The following TMEM130 variants were observed in gnomAD, a reference collection of about 807,000 sequenced individuals.
TMEM130 encodes transmembrane protein 130.
A neutral mutation model predicts 42.9 loss-of-function variants in TMEM130; 37 were observed. The observed-to-expected ratio is 0.86, with a 90% CI of 0.66 to 1.13. The LOEUF (loss-of-function observed/expected upper bound fraction) is 1.13, where lower values mean the gene tolerates loss of function less well. Among genes scored for constraint, TMEM130 ranks in the 50% most tolerant of loss-of-function variants. The pLI is 0.00. For synonymous variants in TMEM130, 259 were observed against 237.7 expected (o/e 1.09, Z -0.82); for missense variants, 545 against 562.6 (o/e 0.97, Z 0.32).
intron 1 of TMEM130, among the ~76,000 whole-genome samples, chr7:98,867,418 G>A (rs980632840): frequency 6.6e-6 from 1 of 152,076 alleles, no homozygotes; most frequent in Non-Finnish European, 1.5e-5. Context: ...GCATGGATGA[G>A]AGACCACCTC....
At position 98,851,414 on chromosome 7, in the gene TMEM130, C is replaced by T; in HGVS notation, c.1006+7G>A. 6.2e-7 allele frequency: 1 copy of T among 1,613,892 alleles called. No homozygotes were observed. The highest frequency in any genetic ancestry group is 8.5e-7 in the Non-Finnish European group (1 of 1,179,906). Reference sequence around the variant, plus strand: ...GGCACTGGAGCAGAAGGCGAGGTGTCACTTACTGGAGGGCCACACCTGGAT... The same window carrying T: ...GGCACTGGAGCAGAAGGCGAGGTGTTACTTACTGGAGGGCCACACCTGGAT... On this transcript the variant is annotated splice_region_variant and intron_variant, in intron 6 of 7. Transcript: ENST00000339375.
chr7:98,851,477 G>T lies in TMEM130; in HGVS notation c.950C>A (p.Ala317Asp), dbSNP rs1554398206. The T allele has an allele frequency of 1.2e-6, 2 of 1,613,960 alleles. No individual in the cohort carries two copies. Among genetic ancestry groups the T allele is most frequent in the East Asian group, 4.5e-5 (2 of 44,880 alleles). Residue 317 changes from alanine (A) to aspartate (D), a missense_variant, in exon 6 of 8, where the codon GCC becomes GAC. Physicochemically the swap from Ala to Asp is moderately radical, Grantham distance 126 (BLOSUM62 -2). Transcript: ENST00000339375. ...DPGDYCFSIR[A>D]ENIISKTHQY... is the part of the protein sequence containing the mutation. ...ATGTGTCTTGCTGATGATATTCTCG[G>T]CCCGGATGCTGAAGCAGTAGTCCCC...
In TMEM130 at chr7:98,847,882, G is replaced by C. The variant is rs1794395417; in HGVS notation, c.*174C>G. The stretch of plus-strand genomic sequence containing the variant: ...AGATGGGTGAATGGCTGGGGTCAGG[G>C]GTGACAGAGAGGGAGGGGCTTGTGG... On this transcript the variant is annotated 3_prime_UTR_variant, in exon 8 of 8. Transcript: ENST00000339375. The C allele has an allele frequency of 1.6e-6, 1 of 620,562 alleles. No homozygotes were observed. The highest frequency in any genetic ancestry group is 2.8e-5 in the East Asian group (1 of 35,602). The allele number at this position is 620,562 out of a possible 1,614,324, so 38.4% of individuals were successfully genotyped here.
At position 98,860,247 on chromosome 7, in the gene TMEM130, G is replaced by T; in HGVS notation, c.483C>A (p.Phe161Leu). ...GGAAGTTGCTCGGGTCGTGGAGGAG[G>T]AAGGAGACTTTCAGGACGGTCTTAG... Reference protein sequence around the residue: ...YLTKTVLKVSFLLHDPSNFLK... With the variant: ...YLTKTVLKVSLLLHDPSNFLK... The change falls in exon 3 of 8, where the codon TTC becomes TTA. Residue 161 changes from phenylalanine (F) to leucine (L), a missense_variant. By Grantham distance (22) the Phe-to-Leu change is conservative (BLOSUM62 0). Transcript: ENST00000339375. 1 of 1,614,082 alleles carries T rather than the reference G, an allele frequency of 6.2e-7. No individual in the cohort carries two copies. The highest frequency in any genetic ancestry group is 8.5e-7 in the Non-Finnish European group (1 of 1,179,984).
intron 2 of TMEM130, among the ~76,000 whole-genome samples, chr7:98,860,667 GGGTGC>G (rs1794750734): frequency 6.6e-6 from 1 of 152,110 alleles, no homozygotes; most frequent in Non-Finnish European, 1.5e-5. Flanking sequence ...ATGCATGGCT[GGGTGC>G]GGTGGCTCAC....
intron 3 of TMEM130, 32 bp downstream of exon 3, chr7:98,860,147 G>T (rs1554399548): frequency 3.6e-5 from 58 of 1,602,274 alleles, no homozygotes; most frequent in Non-Finnish European, 4.9e-5. Flanking sequence ...ACCAGTGACA[G>T]CTGTAGGGCC....
Position 98,851,578 on chromosome 7 carries a change from C to T in TMEM130, c.849G>A (p.Pro283=), listed in dbSNP as rs150729628. The T allele has an allele frequency of 3.8e-5, 61 of 1,613,440 alleles. No homozygotes were observed. The highest frequency in any genetic ancestry group is 1.6e-4 in the African/African-American group (12 of 74,856). Residue 283 remains proline (P), a synonymous_variant, in exon 6 of 8, where the codon CCG becomes CCA. Coordinates refer to ENST00000339375, the MANE Select transcript of TMEM130 (RefSeq NM_152913.3). ...CAGGGTGGCACTCCCCTTCCTCCAG[C>T]GGGAGGCACTCAGGCTTGAGACGCC... ...VCWRLKPECL[P]LEEGECHPVS...
chr7:98,856,131 C>G lies in TMEM130; in HGVS notation c.604G>C (p.Gly202Arg), dbSNP rs782079308. ...SVVYYNYSII[G>R]TFTVKLKVVA... ...ACTTTGAGCTTCACGGTGAAGGTCCCGATGATGGAATAGTTATAATAGACC... is the reference window on the plus strand; with the variant it reads ...ACTTTGAGCTTCACGGTGAAGGTCCGGATGATGGAATAGTTATAATAGACC... The change falls in exon 4 of 8, where the codon GGG (glycine) becomes CGG (arginine). Residue 202 changes from glycine (G) to arginine (R), a missense_variant. Transcript: ENST00000339375. 2.7e-5 allele frequency: 43 copies of G among 1,613,852 alleles called. No individual in the cohort carries two copies. Among genetic ancestry groups the G allele is most frequent in the Non-Finnish European group, 3.6e-5 (43 of 1,180,046 alleles).
intron 1 of TMEM130, chr7:98,866,937 A>G (rs1794923700): frequency 6.6e-6 from 1 of 151,802 alleles, no homozygotes; most frequent in Non-Finnish European, 1.5e-5. Flanking sequence ...ACAAAAAAAA[A>G]AATTTAAAAA....
Position 98,863,319 on chromosome 7 carries a change from T to C in TMEM130, c.167A>G (p.Lys56Arg). 1 of 1,612,580 alleles carries C rather than the reference T, an allele frequency of 6.2e-7. No individual in the cohort carries two copies. Among genetic ancestry groups the C allele is most frequent in the Non-Finnish European group, 8.5e-7 (1 of 1,179,956 alleles). ...GGGCAGGGCCAGGCTGCCGTTGTCC[T>C]TGGCCACCAGGCTGGCCGAGATGGT... ...VVTISASLVA[K>R]DNGSLALPAD... The change falls in exon 2 of 8, where the codon AAG (lysine) becomes AGG (arginine). Residue 56 changes from lysine to arginine, a missense_variant. Transcript: ENST00000339375.
chr7:98,853,898 C>T (rs1216559280), intron 5 of TMEM130, among the ~76,000 whole-genome samples: 1 of 152,230 alleles, frequency 6.6e-6, no homozygotes, highest in Admixed American at 6.5e-5. Context: ...CCTTGGAAAT[C>T]TTGTCTACTC....
At chr7:98,864,691 G>A (rs2116132409) in intron 1 of TMEM130, among the ~76,000 whole-genome samples, 1 of 152,086 alleles carries the variant, frequency 6.6e-6, no homozygotes. Flanking sequence ...TTGAAGTCAG[G>A]AGTTCGAGAC....
At chr7:98,849,741 T>C (rs947971349) in intron 6 of TMEM130, among the ~76,000 whole-genome samples, 1 of 152,162 alleles carries the variant, frequency 6.6e-6, no homozygotes, top group African/African-American at 2.4e-5. Context: ...GGACCAGGAA[T>C]CTGAAACCCT....
At position 98,868,052 on chromosome 7, in the gene TMEM130, A is replaced by T. The variant is rs113521348; in HGVS notation, c.85+1725T>A. On this transcript the variant is annotated intron_variant, in intron 1 of 7. Coordinates refer to ENST00000339375, the MANE Select transcript of TMEM130 (RefSeq NM_152913.3). The stretch of plus-strand genomic sequence containing the variant: ...GAGACCAGCCTGGCCAACATGGCGA[A>T]GCCCTATCTCTACTAAAAATACAAA... Among the ~76,000 whole-genome samples the T allele has an allele frequency of 9.5e-3, 1,446 of 152,290 alleles. 12 individuals carry two copies. The highest frequency in any genetic ancestry group is 0.015 in the Non-Finnish European group (1,031 of 68,018).
intron 4 of TMEM130, among the ~76,000 whole-genome samples, 174 bp downstream of exon 4, chr7:98,855,843 C>T (rs528471310): frequency 1.4e-4 from 22 of 152,206 alleles, no homozygotes; most frequent in Non-Finnish European, 2.8e-4. Context: ...CCACATGATC[C>T]CATCCGTGGC....
chr7:98,848,584 T>A lies in TMEM130; in HGVS notation c.1118A>T (p.Glu373Val). ...RNATQQKDMV[E>V]NPEPPSGVRC... Reference sequence around the variant, plus strand: ...GCCCCCACCCCACTGAGTACCCACCTCCACCATGTCCTTTTGCTGAGTGGC... The same window carrying A: ...GCCCCCACCCCACTGAGTACCCACCACCACCATGTCCTTTTGCTGAGTGGC... The change falls in exon 7 of 8, where the codon GAG becomes GTG. Residue 373 changes from glutamate (E) to valine (V), a missense_variant and splice_region_variant. Coordinates refer to ENST00000339375, the MANE Select transcript of TMEM130 (RefSeq NM_152913.3). 6.2e-7 allele frequency: 1 copy of A among 1,605,190 alleles called. No homozygotes were observed. Among genetic ancestry groups the A allele is most frequent in the Non-Finnish European group, 8.5e-7 (1 of 1,171,950 alleles).
At chr7:98,864,729 T>C in intron 1 of TMEM130, among the ~76,000 whole-genome samples, 1 of 151,936 alleles carries the variant, frequency 6.6e-6, no homozygotes, top group South Asian at 2.1e-4. Context: ...TGAAACCCTG[T>C]CTCCACTAAA....
At chr7:98,866,785 A>C (rs1794920685) in intron 1 of TMEM130, 1 of 152,090 alleles carries the variant, frequency 6.6e-6, no homozygotes, top group African/African-American at 2.4e-5. Flanking sequence ...CTTTTTTTTC[A>C]GAGCCATTTC....
chr7:98,866,649 T>G (rs1432510229), intron 1 of TMEM130: 2 of 152,208 alleles, frequency 1.3e-5, no homozygotes, highest in African/African-American at 2.4e-5. Context: ...ACTCTGAGAT[T>G]ATTTTTTTCA....
Sources: allele counts gnomAD v4.1 joint callset (sites outside exome capture counted in the v4.1 genomes callset), GRCh38; gene constraint gnomAD v4.1.1; transcripts MANE v1.5; gene names NCBI Gene and HGNC (gene_info 2026-07-23, HGNC 2026-07-21).